RIC1: variants seen among roughly 807,000 people sequenced by gnomAD.
RIC1 encodes RIC1 partner of RAB6A GEF complex.
Under a neutral mutation model 169.0 loss-of-function variants are expected in RIC1, and 88 were observed. That is an observed-to-expected ratio of 0.52 (90% CI 0.44 to 0.62). The LOEUF (loss-of-function observed/expected upper bound fraction) is 0.62, where lower values mean the gene tolerates loss of function less well. RIC1 is among the 20% of genes least tolerant of loss of function. The pLI is 0.00. For synonymous variants in RIC1, 790 were observed against 601.5 expected (o/e 1.31, Z -4.59); for missense variants, 1,877 against 1,725.5 (o/e 1.09, Z -1.56).
intron 5 of RIC1, 107 bp downstream of exon 5, chr9:5,720,431 G>T (rs1289567529): frequency 2.4e-6 from 3 of 1,231,452 alleles, no homozygotes; most frequent in African/African-American, 3.0e-5. Context: ...TGCAAGGGGA[G>T]AGGTGGGCAG....
chr9:5,652,851 C>T (rs1458002434), intron 1 of RIC1, among the ~76,000 whole-genome samples: 2 of 152,058 alleles, frequency 1.3e-5, no homozygotes, highest in Middle Eastern at 3.2e-3. Flanking sequence ...TCATATATGG[C>T]TTTTATTGTG....
chr9:5,709,169 T>G (rs943292048), intron 3 of RIC1, among the ~76,000 whole-genome samples: 6 of 152,198 alleles, frequency 3.9e-5, no homozygotes, highest in African/African-American at 1.4e-4. Context: ...CCCTCATATT[T>G]TATAGGCCAA....
At chr9:5,719,492 A>C (rs566690468) in intron 4 of RIC1, 1 of 152,262 alleles carries the variant, frequency 6.6e-6, no homozygotes, top group African/African-American at 2.4e-5. Flanking sequence ...AGCACACAGT[A>C]TAGCACCTGT....
At chr9:5,732,514 T>A in intron 7 of RIC1, 35 bp downstream of exon 7, 1 of 1,445,430 alleles carries the variant, frequency 6.9e-7, no homozygotes, top group South Asian at 1.3e-5. Flanking sequence ...TTTTTAAGAG[T>A]TGTTGCAAAA....
At chr9:5,633,371 A>G (rs181418379) in intron 1 of RIC1, among the ~76,000 whole-genome samples, 1 of 152,120 alleles carries the variant, frequency 6.6e-6, no homozygotes, top group Admixed American at 6.5e-5. Context: ...TCTAGGGTTC[A>G]CTGTTGATGA....
chr9:5,649,722 A>G (rs1275477797), intron 1 of RIC1, among the ~76,000 whole-genome samples: 1 of 144,000 alleles, frequency 6.9e-6, no homozygotes. Context: ...GTTCCTTTGG[A>G]GATGTCATAA....
chr9:5,776,637 C>A (rs1827604173), downstream of RIC1: 1 of 151,800 alleles, frequency 6.6e-6, no homozygotes, highest in South Asian at 2.1e-4. Flanking sequence ...TAGAATTTTC[C>A]TTATGAAATG....
chr9:5,671,844 G>A (rs1480296319), intron 2 of RIC1, among the ~76,000 whole-genome samples: 1 of 152,150 alleles, frequency 6.6e-6, no homozygotes, highest in Non-Finnish European at 1.5e-5. Context: ...GGTTTGCTTT[G>A]CCACTCCTTA....
chr9:5,741,761 C>T (rs190365885), intron 8 of RIC1, among the ~76,000 whole-genome samples: 6 of 152,206 alleles, frequency 3.9e-5, no homozygotes, highest in African/African-American at 1.4e-4. Flanking sequence ...AATCTGAAGC[C>T]TTTCTGAGTC....
chr9:5,637,982 G>A (rs1818058074), intron 1 of RIC1, among the ~76,000 whole-genome samples: 1 of 152,146 alleles, frequency 6.6e-6, no homozygotes, highest in South Asian at 2.1e-4. Context: ...CTAGCTATGG[G>A]TCTGTTATAT....
intron 1 of RIC1, among the ~76,000 whole-genome samples, chr9:5,649,035 T>C (rs1163293836): frequency 6.6e-6 from 1 of 152,108 alleles, no homozygotes; most frequent in African/African-American, 2.4e-5. Flanking sequence ...TCTGGGAGGC[T>C]GAAGTGGGAG....
At chr9:5,640,489 G>A (rs536985340) in intron 1 of RIC1, among the ~76,000 whole-genome samples, 12 of 152,072 alleles carry the variant, frequency 7.9e-5, no homozygotes, top group African/African-American at 2.4e-4. Flanking sequence ...AAAAGTTGTC[G>A]TTATTCTTTA....
intron 3 of RIC1, among the ~76,000 whole-genome samples, chr9:5,706,425 C>T (rs191664245): frequency 6.6e-6 from 1 of 152,216 alleles, no homozygotes; most frequent in African/African-American, 2.4e-5. Context: ...GCACTCCAGC[C>T]TAGCGACAGA....
chr9:5,752,312 A>G (rs1401287277), intron 12 of RIC1, among the ~76,000 whole-genome samples: 5 of 152,152 alleles, frequency 3.3e-5, no homozygotes, highest in Admixed American at 6.6e-5. Context: ...AATAGCTTAC[A>G]TACACTCTTT....
chr9:5,778,537 T>C (rs192872143), downstream of RIC1, among the ~76,000 whole-genome samples: 23 of 152,346 alleles, frequency 1.5e-4, no homozygotes, highest in Admixed American at 1.2e-3. Flanking sequence ...ATAAGCTTTA[T>C]CTGGTTGAGG....
At chr9:5,653,438 G>A (rs1440786121) in intron 1 of RIC1, among the ~76,000 whole-genome samples, 1 of 152,188 alleles carries the variant, frequency 6.6e-6, no homozygotes, top group African/African-American at 2.4e-5. Context: ...CAACTTTAGA[G>A]TGACTTTGTT....
chr9:5,713,683 C>T (rs568802786), intron 3 of RIC1: 20 of 312,742 alleles, frequency 6.4e-5, no homozygotes, highest in Admixed American at 2.9e-4. Context: ...ACCCTCCTAA[C>T]ACAAATTACA....
Position 5,743,030 on chromosome 9 carries a change from A to C in RIC1, c.1046+17A>C. On this transcript the variant is annotated intron_variant, in intron 9 of 25. Transcript: ENST00000414202. ...AGATTTTGCGTAAGTCAAAAAAGACAATTTTTAGATAAAATAACTCCATTA... is the reference window on the plus strand; with the variant it reads ...AGATTTTGCGTAAGTCAAAAAAGACCATTTTTAGATAAAATAACTCCATTA... The C allele has an allele frequency of 1.3e-6, 2 of 1,597,320 alleles. No individual in the cohort carries two copies. Among genetic ancestry groups the C allele is most frequent in the Non-Finnish European group, 1.7e-6 (2 of 1,174,976 alleles).
intron 19 of RIC1, 143 bp downstream of exon 19, chr9:5,764,011 A>G (rs2131101431): frequency 2.1e-6 from 2 of 935,518 alleles, no homozygotes; most frequent in East Asian, 2.5e-5. Flanking sequence ...GGAAGAATTC[A>G]GACAGATTCC....
Sources: allele counts gnomAD v4.1 joint callset (sites outside exome capture counted in the v4.1 genomes callset), GRCh38; gene constraint gnomAD v4.1.1; transcripts MANE v1.5; gene names NCBI Gene and HGNC (gene_info 2026-07-23, HGNC 2026-07-21).